The following BPIFC variants were observed in gnomAD, a reference collection of about 807,000 sequenced individuals.
The protein encoded by BPIFC is BPI fold-containing family C protein.
BPIFC carries 60 observed loss-of-function variants against 57.6 expected under a neutral mutation model. The observed-to-expected ratio is 1.04, with a 90% CI of 0.85 to 1.29. The LOEUF (loss-of-function observed/expected upper bound fraction) is 1.29, where lower values mean the gene tolerates loss of function less well. BPIFC is among the 50% of genes most tolerant of loss of function. BPIFC has a pLI of 0.00. For missense variants in BPIFC, 581 were observed against 600.5 expected, an observed-to-expected ratio of 0.97 and a Z score of 0.34; for synonymous variants, 243 against 224.5, an observed-to-expected ratio of 1.08 and a Z score of -0.74.
intron 8 of BPIFC, among the ~76,000 whole-genome samples, chr22:32,438,435 T>C (rs1934471568): frequency 6.6e-6 from 1 of 152,138 alleles, no homozygotes. Context: ...TCTATCACCC[T>C]GACTGGAGTG....
intron 13 of BPIFC, among the ~76,000 whole-genome samples, chr22:32,429,264 TG>T (rs1324676675): frequency 6.6e-6 from 1 of 151,898 alleles, no homozygotes. Context: ...TGGAGTGCAG[TG>T]GCGCCATCTC....
chr22:32,462,191 G>A (rs796992512), intron 1 of BPIFC, among the ~76,000 whole-genome samples: 1,295 of 91,354 alleles, frequency 0.014, no homozygotes, highest in Middle Eastern at 0.04. Flanking sequence ...AAAAAAAAAA[G>A]AAAAAAGAAA....
intron 4 of BPIFC, among the ~76,000 whole-genome samples, chr22:32,452,153 C>T (rs547801071): frequency 3.9e-5 from 6 of 152,302 alleles, no homozygotes; most frequent in South Asian, 2.1e-4. Flanking sequence ...CCTCCCACCT[C>T]GGCCTCCCAA....
chr22:32,445,510 C>A, intron 7 of BPIFC, 125 bp downstream of exon 7: 1 of 1,045,776 alleles, frequency 9.6e-7, no homozygotes, highest in Non-Finnish European at 1.4e-6. Flanking sequence ...GCACTCCAGC[C>A]TGGGCGACAG....
chr22:32,461,958 G>A (rs971285954), intron 1 of BPIFC, among the ~76,000 whole-genome samples: 1 of 151,994 alleles, frequency 6.6e-6, no homozygotes, highest in Admixed American at 6.5e-5. Flanking sequence ...CGGATCATGA[G>A]GTCAAGAGAT....
At chr22:32,452,099 G>A (rs947562396) in intron 4 of BPIFC, among the ~76,000 whole-genome samples, 1 of 151,770 alleles carries the variant, frequency 6.6e-6, no homozygotes, top group Non-Finnish European at 1.5e-5. Flanking sequence ...ATGGGTTTTC[G>A]TCATGTTGCC....
At chr22:32,424,656 CTTCTTCTTCTTCTTCT>C (rs1933969987) in intron 13 of BPIFC, among the ~76,000 whole-genome samples, 2 of 62,634 alleles carry the variant, frequency 3.2e-5, no homozygotes, top group African/African-American at 2.3e-4. Context: ...TCTTCTTCTT[CTTCTTCTTCTTCTTCT>C]TCTTCTTCTT....
At chr22:32,415,041 C>T (rs1307701103) in intron 16 of BPIFC, among the ~76,000 whole-genome samples, 1 of 152,248 alleles carries the variant, frequency 6.6e-6, no homozygotes, top group Non-Finnish European at 1.5e-5. Context: ...AATTTTTCCA[C>T]TGACTGGGAT....
chr22:32,435,163 T>C (rs536541568), intron 10 of BPIFC, among the ~76,000 whole-genome samples: 24 of 152,324 alleles, frequency 1.6e-4, no homozygotes, highest in Admixed American at 3.9e-4. Flanking sequence ...ACAGAAGTTA[T>C]ATAAATTGAA....
chr22:32,428,753 G>T (rs1183017567), intron 13 of BPIFC, among the ~76,000 whole-genome samples: 1 of 151,946 alleles, frequency 6.6e-6, no homozygotes, highest in Non-Finnish European at 1.5e-5. Flanking sequence ...ACAAAAATTA[G>T]CCAGGTGTGG....
intron 4 of BPIFC, among the ~76,000 whole-genome samples, chr22:32,452,847 C>T (rs1329202463): frequency 6.6e-6 from 1 of 152,136 alleles, no homozygotes; most frequent in Non-Finnish European, 1.5e-5. Context: ...TAAGACTGAG[C>T]TCCAGATGGA....
At chr22:32,427,050 C>G (rs540926823) in intron 13 of BPIFC, among the ~76,000 whole-genome samples, 3 of 152,146 alleles carry the variant, frequency 2.0e-5, no homozygotes, top group Non-Finnish European at 4.4e-5. Flanking sequence ...CGGAGAATTT[C>G]CAGGAGACTG....
At chr22:32,439,688 C>T (rs913166353) in intron 8 of BPIFC, among the ~76,000 whole-genome samples, 1 of 152,020 alleles carries the variant, frequency 6.6e-6, no homozygotes, top group Non-Finnish European at 1.5e-5. Context: ...AATCTTGGCT[C>T]ATTGCAACCT....
intron 2 of BPIFC, among the ~76,000 whole-genome samples, chr22:32,459,070 T>C (rs992416790): frequency 6.6e-6 from 1 of 152,248 alleles, no homozygotes; most frequent in Admixed American, 6.5e-5. Flanking sequence ...GAGTAATATA[T>C]TCACAGGCCT....
At chr22:32,430,809 T>C (rs1420285097) in intron 13 of BPIFC, among the ~76,000 whole-genome samples, 1 of 151,850 alleles carries the variant, frequency 6.6e-6, no homozygotes, top group East Asian at 1.9e-4. Context: ...CTAGCTAATT[T>C]TTAAAAAAGC....
chr22:32,418,850 A>G (rs374754437), intron 14 of BPIFC, among the ~76,000 whole-genome samples: 54 of 152,180 alleles, frequency 3.5e-4, no homozygotes, highest in African/African-American at 1.2e-3. Flanking sequence ...ATTCCAAGTC[A>G]CATGTTGGGG....
chr22:32,417,189 CTTTT>C (rs5844996), intron 14 of BPIFC, 41 bp from the exon 15 acceptor site: 7,163 of 969,448 alleles, frequency 7.4e-3, no homozygotes, highest in Non-Finnish European at 8.4e-3. Flanking sequence ...GCAGATCGGG[CTTTT>C]TTTTTTTTTT....
In BPIFC at chr22:32,464,438, G is replaced by C. The variant is rs915135048; in HGVS notation, c.-153C>G. 1 of 985,230 alleles carries C rather than the reference G, an allele frequency of 1.0e-6. No individual in the cohort carries two copies. The highest frequency in any genetic ancestry group is 1.7e-5 in the African/African-American group (1 of 57,224). 61.0% of individuals were successfully genotyped at this position (985,230 alleles called of 1,614,324 possible). A position where few individuals can be genotyped will look rare whatever the true frequency, so the allele number is the denominator to read the frequency against. ...GATTCTCTCTGCCTTTGAAGCTGATGTGTTCTCCACCTTGCGCCTTAAACT... is the reference window on the plus strand; with the variant it reads ...GATTCTCTCTGCCTTTGAAGCTGATCTGTTCTCCACCTTGCGCCTTAAACT... On this transcript the variant is annotated 5_prime_UTR_variant, in exon 1 of 17. Transcript: ENST00000300399.
In BPIFC at chr22:32,445,881, G is replaced by A. The variant is rs1341371706; in HGVS notation, c.490C>T (p.Gln164Ter). Residue 164 changes from glutamine (Q) to a stop codon, truncating the protein, a stop_gained, in exon 6 of 17, where the codon CAA becomes TAA. Coordinates refer to ENST00000300399, the MANE Select transcript of BPIFC (RefSeq NM_174932.3). LOFTEE classifies it high-confidence loss of function. The stretch of plus-strand genomic sequence containing the variant: ...AATGAGACGTGGGCATGGCTCAGTT[G>A]GGCGTAGCAATCTTGGAGCTTCAGG... ...PTLKLQDCYA[Q>*]LSHAHVSFSG... The A allele has an allele frequency of 6.2e-7, 1 of 1,614,014 alleles. No homozygotes were observed. Among genetic ancestry groups the A allele is most frequent in the African/African-American group, 1.3e-5 (1 of 74,918 alleles).
Sources: gnomAD v4.1 joint callset for allele counts (sites outside exome capture counted in the v4.1 genomes callset) on GRCh38, gnomAD v4.1.1 for gene constraint, MANE v1.5 for transcripts, NCBI Gene and HGNC (gene_info 2026-07-23, HGNC 2026-07-21) for gene names.